SPINK13: variants seen among roughly 807,000 people sequenced by gnomAD.
The protein encoded by SPINK13 is serine peptidase inhibitor Kazal type 13, also known as serine protease inhibitor Kazal-type 13.
A neutral mutation model predicts 11.0 loss-of-function variants in SPINK13; 11 were observed. That is an observed-to-expected ratio of 1.00 (90% CI 0.63 to 1.65). The LOEUF (loss-of-function observed/expected upper bound fraction) is 1.65. Among genes scored for constraint, SPINK13 ranks in the 40% most tolerant of loss-of-function variants. SPINK13 has a pLI of 0.00. For missense variants in SPINK13, 113 were observed against 117.7 expected, an observed-to-expected ratio of 0.96 and a Z score of 0.19; for synonymous variants, 31 against 35.6, an observed-to-expected ratio of 0.87 and a Z score of 0.46.
At chr5:148,271,915 G>A (rs1297463728) in intron 2 of SPINK13, among the ~76,000 whole-genome samples, 2 of 152,154 alleles carry the variant, frequency 1.3e-5, no homozygotes, top group Non-Finnish European at 1.5e-5. Flanking sequence ...GAGCCACCAC[G>A]CCTGGCCTAT....
At position 148,282,172 on chromosome 5, in the gene SPINK13, T is replaced by A. The variant is rs775613322; in HGVS notation, c.177T>A (p.Pro59=). 3 of 1,614,224 alleles carry A rather than the reference T, an allele frequency of 1.9e-6. No individual in the cohort carries two copies. The East Asian group carries it at 6.7e-5, about 36-fold the overall frequency. The change falls in exon 4 of 5, where the codon CCT becomes CCA. Residue 59 remains proline, a synonymous_variant. Transcript: ENST00000398450. Reference sequence around the variant, plus strand: ...CAGACTGCCCCAATGTGACAGCACCTGTTTGTGCCTCAAATGGCCACACTT... The same window carrying A: ...CAGACTGCCCCAATGTGACAGCACCAGTTTGTGCCTCAAATGGCCACACTT... ...YNADCPNVTA[P]VCASNGHTFQ... is the part of the protein sequence containing the mutation.
At chr5:148,277,610 A>G (rs1756450759) in intron 3 of SPINK13, among the ~76,000 whole-genome samples, 1 of 152,242 alleles carries the variant, frequency 6.6e-6, no homozygotes, top group Admixed American at 6.5e-5. Context: ...CGAACGTTGC[A>G]TCGCAAGGAT....
intron 2 of SPINK13, 137 bp from the exon 3 acceptor site, chr5:148,274,210 C>T (rs1453940954): frequency 1.9e-6 from 1 of 524,180 alleles, no homozygotes; most frequent in South Asian, 3.6e-5. Flanking sequence ...ACTGCAAATT[C>T]TATTGCTATT....
intron 2 of SPINK13, 28 bp from the exon 3 acceptor site, chr5:148,274,319 A>G: frequency 6.3e-7 from 1 of 1,586,656 alleles, no homozygotes; most frequent in East Asian, 2.2e-5. Flanking sequence ...ATTTCCTTTA[A>G]CTTACTGTGT....
In SPINK13 at chr5:148,270,888, A is replaced by C. The variant is rs535310814; in HGVS notation, c.70+746A>C. The C allele has an allele frequency of 2.0e-5, 3 of 152,408 alleles. No homozygotes were observed. In the South Asian group the frequency reaches 6.2e-4, roughly 32 times the overall value. The allele number at this position is 152,408 out of a possible 1,614,324, so 9.4% of individuals were successfully genotyped here. A position where few individuals can be genotyped will look rare whatever the true frequency, so the allele number is the denominator to read the frequency against. On this transcript the variant is annotated intron_variant, in intron 2 of 4. Transcript: ENST00000398450. Reference sequence around the variant, plus strand: ...AAAAGGGCCATGGGCCGAGGAACTCAGACAGCCTGTAGAAGCTGGAAAAGG... The same window carrying C: ...AAAAGGGCCATGGGCCGAGGAACTCCGACAGCCTGTAGAAGCTGGAAAAGG...
At chr5:148,285,942 C>T (rs1369070967) in intron 4 of SPINK13, 58 bp from the exon 5 acceptor site, 3 of 1,021,238 alleles carry the variant, frequency 2.9e-6, no homozygotes, top group Non-Finnish European at 4.3e-6. Flanking sequence ...AAAGTACATT[C>T]AATACCAATG....
intron 1 of SPINK13, 66 bp downstream of exon 1, chr5:148,268,954 T>C (rs1385962196): frequency 6.6e-6 from 1 of 152,634 alleles, no homozygotes; most frequent in Non-Finnish European, 1.5e-5. Context: ...AGCCTTCCTC[T>C]CTGTCAGTGG....
At chr5:148,271,024 T>C (rs182358480) in intron 2 of SPINK13, 2 of 152,368 alleles carry the variant, frequency 1.3e-5, no homozygotes, top group Admixed American at 6.5e-5. Context: ...TTGTGTTTTG[T>C]TAAGTCACTA....
intron 3 of SPINK13, among the ~76,000 whole-genome samples, chr5:148,277,600 C>A (rs530507367): frequency 1.3e-5 from 2 of 152,174 alleles, no homozygotes; most frequent in Non-Finnish European, 2.9e-5. Context: ...ATATGTTAAA[C>A]GAACGTTGCA....
intron 4 of SPINK13, among the ~76,000 whole-genome samples, chr5:148,283,667 C>T (rs1756550232): frequency 6.6e-6 from 1 of 152,172 alleles, no homozygotes; most frequent in South Asian, 2.1e-4. Context: ...GAACGAGATA[C>T]CAGACTATAT....
chr5:148,274,738 C>T (rs572402226), intron 3 of SPINK13, among the ~76,000 whole-genome samples: 1 of 152,144 alleles, frequency 6.6e-6, no homozygotes, highest in Non-Finnish European at 1.5e-5. Flanking sequence ...GAGTGAAACC[C>T]TGTCTATAAA....
At chr5:148,280,711 G>T (rs944758086) in intron 3 of SPINK13, among the ~76,000 whole-genome samples, 7 of 152,198 alleles carry the variant, frequency 4.6e-5, no homozygotes, top group Non-Finnish European at 8.8e-5. Flanking sequence ...TCTTTGAGGT[G>T]TCCGTAGACC....
At chr5:148,279,952 C>T (rs1406816808) in intron 3 of SPINK13, among the ~76,000 whole-genome samples, 2 of 152,160 alleles carry the variant, frequency 1.3e-5, no homozygotes, top group African/African-American at 2.4e-5. Flanking sequence ...TTCACATAGT[C>T]CCATATTTCT....
At chr5:148,278,908 G>C (rs1157329384) in intron 3 of SPINK13, among the ~76,000 whole-genome samples, 2 of 152,064 alleles carry the variant, frequency 1.3e-5, no homozygotes, top group Non-Finnish European at 2.9e-5. Flanking sequence ...AAGTCTCCTT[G>C]TAGGTCTCTA....
At chr5:148,283,618 A>AG (rs1298607024) in intron 4 of SPINK13, among the ~76,000 whole-genome samples, 2 of 152,218 alleles carry the variant, frequency 1.3e-5, no homozygotes, top group Non-Finnish European at 2.9e-5. Context: ...TAAGTTAACC[A>AG]GGTCTCTACT....
At chr5:148,281,726 A>G (rs2113374381) in intron 3 of SPINK13, among the ~76,000 whole-genome samples, 1 of 152,248 alleles carries the variant, frequency 6.6e-6, no homozygotes. Flanking sequence ...AGCTGTTCCT[A>G]TTCAGCTATC....
At chr5:148,278,223 C>T (rs886732212) in intron 3 of SPINK13, among the ~76,000 whole-genome samples, 3 of 152,132 alleles carry the variant, frequency 2.0e-5, no homozygotes, top group Admixed American at 6.6e-5. Flanking sequence ...AAAACCAGCT[C>T]CTAGATTCAT....
chr5:148,269,902 T>C (rs928300201), intron 1 of SPINK13, 138 bp from the exon 2 acceptor site: 2 of 485,554 alleles, frequency 4.1e-6, no homozygotes, highest in South Asian at 1.4e-4. Flanking sequence ...CTCTCAGGCC[T>C]GAGTTCCTGG....
intron 4 of SPINK13, among the ~76,000 whole-genome samples, chr5:148,282,683 G>C (rs975650557): frequency 1.3e-5 from 2 of 152,196 alleles, no homozygotes; most frequent in Non-Finnish European, 2.9e-5. Context: ...CATAGATGCA[G>C]GTATAGATAC....
Sources: allele counts gnomAD v4.1 joint callset (sites outside exome capture counted in the v4.1 genomes callset), GRCh38; gene constraint gnomAD v4.1.1; transcripts MANE v1.5; gene names NCBI Gene and HGNC (gene_info 2026-07-23, HGNC 2026-07-21).